Variants in MAD1L1 observed in about 807,000 individuals in gnomAD.
MAD1L1 encodes the protein mitotic arrest deficient 1 like 1.
MAD1L1 carries 95 observed loss-of-function variants against 96.9 expected under a neutral mutation model. The observed-to-expected ratio is 0.98, with a 90% CI of 0.83 to 1.16. The LOEUF (loss-of-function observed/expected upper bound fraction) is 1.16, where lower values mean the gene tolerates loss of function less well. MAD1L1 is among the 50% of genes most tolerant of loss of function. The pLI is 0.00. For synonymous variants in MAD1L1, 473 were observed against 396.6 expected, an observed-to-expected ratio of 1.19 and a Z score of -2.29; for missense variants, 1,007 against 954.4, an observed-to-expected ratio of 1.06 and a Z score of -0.73.
At chr7:1,843,494 G>A (rs148702565) in intron 18 of MAD1L1, among the ~76,000 whole-genome samples, 1,684 of 152,268 alleles carry the variant, frequency 0.011, 7 homozygotes, top group Admixed American at 0.023. Flanking sequence ...CAGCTTTTCC[G>A]CGCTTCCCCG....
chr7:2,170,864 G>GGAT (rs1287810476), intron 10 of MAD1L1, among the ~76,000 whole-genome samples: 1 of 152,222 alleles, frequency 6.6e-6, no homozygotes, highest in Non-Finnish European at 1.5e-5. Flanking sequence ...GGTACTGAGT[G>GGAT]GATGGGCCTG....
chr7:2,206,154 A>G (rs971885744), intron 10 of MAD1L1, among the ~76,000 whole-genome samples: 1 of 152,200 alleles, frequency 6.6e-6, no homozygotes, highest in Non-Finnish European at 1.5e-5. Flanking sequence ...TAAATAATAA[A>G]GTATCTGTTA....
rs1235467549 is a variant in MAD1L1 at position 1,953,946 on chromosome 7, A to C, written c.1596+3683T>G. ...GATGCGCCCGCCCAGCCAGAAGGTCAGTGTCCTGCCCAGTGCGGCCTCCAC... is the reference window on the plus strand; with the variant it reads ...GATGCGCCCGCCCAGCCAGAAGGTCCGTGTCCTGCCCAGTGCGGCCTCCAC... On this transcript the variant is annotated intron_variant, in intron 16 of 18. Transcript: ENST00000265854. Among the ~76,000 whole-genome samples, 3 of 152,126 alleles carry C rather than the reference A, an allele frequency of 2.0e-5. No homozygotes were observed. The East Asian group carries it at 5.8e-4, about 29-fold the overall frequency.
intron 18 of MAD1L1, chr7:1,846,978 T>TG: frequency 3.1e-6 from 1 of 327,404 alleles, no homozygotes; most frequent in South Asian, 2.4e-5. Flanking sequence ...CTCCTGCTGA[T>TG]GGCTCCGCGT....
At chr7:2,135,085 A>G (rs906185738) in intron 11 of MAD1L1, among the ~76,000 whole-genome samples, 1 of 152,250 alleles carries the variant, frequency 6.6e-6, no homozygotes, top group Non-Finnish European at 1.5e-5. Context: ...AATTTTGAGC[A>G]AACACTACCC....
intron 10 of MAD1L1, among the ~76,000 whole-genome samples, chr7:2,156,330 G>T (rs1789845258): frequency 1.3e-5 from 2 of 152,188 alleles, no homozygotes; most frequent in Admixed American, 1.3e-4. Flanking sequence ...GTTTCACGGT[G>T]CGTGGCGTCA....
At position 2,149,241 on chromosome 7, in the gene MAD1L1, G is replaced by A. The variant is rs1345373415; in HGVS notation, c.987-3C>T. The stretch of plus-strand genomic sequence containing the variant: ...ATCTGGAAAGGTCTTCTGGAGTCCT[G>A]CAGGATAAACAAGGCACACTCAGTT... On this transcript the variant is annotated splice_region_variant and splice_polypyrimidine_tract_variant and intron_variant, in intron 10 of 18. Transcript: ENST00000265854. 6.2e-7 allele frequency: 1 copy of A among 1,612,536 alleles called. No individual in the cohort carries two copies. The highest frequency in any genetic ancestry group is 8.5e-7 in the Non-Finnish European group (1 of 1,178,752).
At chr7:1,861,368 G>A (rs1784537538) in intron 18 of MAD1L1, among the ~76,000 whole-genome samples, 1 of 152,246 alleles carries the variant, frequency 6.6e-6, no homozygotes, top group Non-Finnish European at 1.5e-5. Context: ...GGCCACAAGG[G>A]CCAGGACACG....
intron 18 of MAD1L1, among the ~76,000 whole-genome samples, chr7:1,826,634 C>T (rs570722198): frequency 9.8e-5 from 15 of 152,368 alleles, no homozygotes; most frequent in Admixed American, 5.9e-4. Context: ...AAAGAGGCCT[C>T]GCAGATGCTG....
chr7:2,186,839 G>A (rs1264933482), intron 10 of MAD1L1, among the ~76,000 whole-genome samples: 2 of 147,742 alleles, frequency 1.4e-5, no homozygotes, highest in Non-Finnish European at 3.0e-5. Context: ...TGTCCCCCAC[G>A]CTGGAGTGCA....
intron 12 of MAD1L1, among the ~76,000 whole-genome samples, chr7:2,015,823 C>T (rs557809071): frequency 1.5e-4 from 23 of 152,328 alleles, no homozygotes; most frequent in African/African-American, 3.4e-4. Context: ...ATGCCCTGGA[C>T]GTAGATTCAG....
chr7:2,179,528 C>CAAA (rs1254973924), intron 10 of MAD1L1, among the ~76,000 whole-genome samples: 1 of 79,994 alleles, frequency 1.3e-5, no homozygotes, highest in African/African-American at 4.9e-5. Context: ...GACTCTGTCT[C>CAAA]AAAAAAAAAA....
intron 11 of MAD1L1, among the ~76,000 whole-genome samples, chr7:2,107,030 G>A (rs1777170887): frequency 6.6e-6 from 1 of 152,242 alleles, no homozygotes; most frequent in South Asian, 2.1e-4. Context: ...CCACAGCCTG[G>A]CTCCCAAGGA....
intron 1 of MAD1L1, among the ~76,000 whole-genome samples, chr7:2,232,421 G>C (rs986463543): frequency 1.3e-5 from 2 of 152,204 alleles, no homozygotes; most frequent in African/African-American, 4.8e-5. Flanking sequence ...GAGCGGACCG[G>C]CGCGAGCCAC....
intron 18 of MAD1L1, among the ~76,000 whole-genome samples, chr7:1,888,902 C>T (rs1394050878): frequency 6.6e-6 from 1 of 152,210 alleles, no homozygotes; most frequent in Non-Finnish European, 1.5e-5. Flanking sequence ...GAGAGGTCGA[C>T]CTGCTCCTCC....
At chr7:2,130,284 C>T (rs566756417) in intron 11 of MAD1L1, among the ~76,000 whole-genome samples, 45 of 152,308 alleles carry the variant, frequency 3.0e-4, no homozygotes, top group African/African-American at 1.1e-3. Flanking sequence ...CGTCCTGGGG[C>T]TAGAGAAAAG....
intron 18 of MAD1L1, among the ~76,000 whole-genome samples, chr7:1,893,153 G>T (rs1279803888): frequency 2.6e-5 from 4 of 152,160 alleles, no homozygotes; most frequent in Non-Finnish European, 5.9e-5. Context: ...GCAGGTTCCC[G>T]CTGGGAAGAG....
chr7:2,074,293 T>G (rs917422200), intron 11 of MAD1L1, among the ~76,000 whole-genome samples: 1 of 150,026 alleles, frequency 6.7e-6, no homozygotes, highest in Non-Finnish European at 1.5e-5. Context: ...GGTACTGAGG[T>G]CACCGAGAGC....
At chr7:1,871,238 C>A (rs62435158) in intron 18 of MAD1L1, among the ~76,000 whole-genome samples, 6 of 86,608 alleles carry the variant, frequency 6.9e-5, no homozygotes, top group South Asian at 8.8e-4. Context: ...ACCCAACATA[C>A]GCCTGCCACG....
Sources: gnomAD v4.1 joint callset for allele counts (sites outside exome capture counted in the v4.1 genomes callset) on GRCh38, gnomAD v4.1.1 for gene constraint, MANE v1.5 for transcripts, NCBI Gene and HGNC (gene_info 2026-07-23, HGNC 2026-07-21) for gene names.